The following RSF1 variants were observed in gnomAD, a reference collection of about 807,000 sequenced individuals.
RSF1 encodes remodeling and spacing factor 1, also known as HBV pX-associated protein 8.
RSF1 carries 13 observed loss-of-function variants against 145.2 expected under a neutral mutation model. That is an observed-to-expected ratio of 0.09 (90% CI 0.06 to 0.14). The LOEUF is 0.14. RSF1 is among the 10% of genes least tolerant of loss of function. RSF1 has a pLI of 1.00. For missense variants in RSF1, 1,517 were observed against 1,718.2 expected (o/e 0.88, Z 2.07); for synonymous variants, 577 against 592.6 (o/e 0.97, Z 0.38).
the RSF1 span, among the ~76,000 whole-genome samples, chr11:77,842,266 A>G: frequency 3.3e-5 from 5 of 152,178 alleles, no homozygotes; most frequent in Non-Finnish European, 7.3e-5. Flanking sequence ...CTGGAGCCTG[A>G]TAAGTAATTG....
At chr11:77,788,889 T>C (rs546255861) in intron 1 of RSF1, among the ~76,000 whole-genome samples, 179 of 152,292 alleles carry the variant, frequency 1.2e-3, no homozygotes, top group Non-Finnish European at 2.1e-3. Flanking sequence ...AAGAGATAGA[T>C]GCCAGGAAAA....
Position 77,701,963 on chromosome 11 carries a change from TTCC to T in RSF1, c.1263_1265del (p.Glu423del), listed in dbSNP as rs773530480. ...TTGTAGAGATCCTTTTACAAGTCTCTTCCTCTTGTTTTATTTCATCTTTCAAAA... is the reference window on the plus strand; with the variant it reads ...TTGTAGAGATCCTTTTACAAGTCTCTTCTTGTTTTATTTCATCTTTCAAAA... On this transcript the variant is annotated inframe_deletion, in exon 6 of 16. Coordinates refer to ENST00000308488, the MANE Select transcript of RSF1 (RefSeq NM_016578.4). 1 of 1,613,914 alleles carries T rather than the reference TTCC, an allele frequency of 6.2e-7. No homozygotes were observed. Among genetic ancestry groups the T allele is most frequent in the South Asian group, 1.1e-5 (1 of 90,984 alleles).
At chr11:77,686,613 T>G (rs910542399) in intron 9 of RSF1, among the ~76,000 whole-genome samples, 6 of 151,940 alleles carry the variant, frequency 3.9e-5, no homozygotes, top group African/African-American at 1.5e-4. Context: ...AGTGCAGCCT[T>G]TAGTGCCCTG....
intron 4 of RSF1, among the ~76,000 whole-genome samples, chr11:77,737,728 TGAAAGCA>T (rs11279282): frequency 0.66 from 98,840 of 150,122 alleles, 32,576 homozygotes; most frequent in South Asian, 0.81. Context: ...TGAGAAGAGG[TGAAAGCA>T]GAAAGCAACA....
intron 1 of RSF1, among the ~76,000 whole-genome samples, chr11:77,793,922 A>AT (rs1199022269): frequency 2.0e-5 from 3 of 152,154 alleles, no homozygotes; most frequent in Non-Finnish European, 4.4e-5. Flanking sequence ...AAAAAAGGTA[A>AT]TAAAAAAAAA....
intron 15 of RSF1, among the ~76,000 whole-genome samples, chr11:77,669,074 ACC>A (rs1959451335): frequency 6.6e-6 from 1 of 152,168 alleles, no homozygotes; most frequent in South Asian, 2.1e-4. Context: ...TGTGGTCTCT[ACC>A]AACTTAAGTT....
intron 6 of RSF1, among the ~76,000 whole-genome samples, chr11:77,699,139 C>A (rs1256064614): frequency 6.6e-6 from 1 of 152,238 alleles, no homozygotes; most frequent in Middle Eastern, 3.4e-3. Flanking sequence ...AAAGGTCATG[C>A]ACATTTTAAA....
At chr11:77,808,993 C>T (rs1416808437) in intron 1 of RSF1, among the ~76,000 whole-genome samples, 1 of 152,156 alleles carries the variant, frequency 6.6e-6, no homozygotes, top group Non-Finnish European at 1.5e-5. Context: ...TACTGTGGAT[C>T]ACACTACAAT....
intron 5 of RSF1, among the ~76,000 whole-genome samples, chr11:77,704,753 G>GTTTTTTT (rs72141127): frequency 1.0e-4 from 14 of 134,518 alleles, no homozygotes; most frequent in African/African-American, 1.4e-4. Flanking sequence ...GTTTGCCTTG[G>GTTTTTTT]TTTTTTTTTT....
Position 77,666,416 on chromosome 11 carries a change from CT to C in RSF1, c.*500del, listed in dbSNP as rs1959364641. ...TATGATGTTATCTACAATTCTCAAA[CT>C]GTAACAGTACAGACTTGAACTTTTA... is the stretch of plus-strand genomic sequence containing the variant. On this transcript the variant is annotated 3_prime_UTR_variant, in exon 16 of 16. Transcript: ENST00000308488. The C allele has an allele frequency of 6.6e-6, 1 of 152,538 alleles. No homozygotes were observed. The allele number at this position is 152,538 out of a possible 1,614,324, so 9.4% of individuals were successfully genotyped here. A position where few individuals can be genotyped will look rare whatever the true frequency, so the allele number is the denominator to read the frequency against.
chr11:77,845,792 G>A, the RSF1 span, among the ~76,000 whole-genome samples: 1 of 152,058 alleles, frequency 6.6e-6, no homozygotes, highest in Non-Finnish European at 1.5e-5. Context: ...TATTTGGTAA[G>A]ATATTGTTAT....
chr11:77,706,499 G>C (rs896076499), intron 5 of RSF1, among the ~76,000 whole-genome samples: 1 of 152,034 alleles, frequency 6.6e-6, no homozygotes, highest in Non-Finnish European at 1.5e-5. Context: ...ACAGTACTTG[G>C]GAGCTATTAT....
intron 5 of RSF1, among the ~76,000 whole-genome samples, chr11:77,710,974 A>AT (rs1257312436): frequency 6.6e-6 from 1 of 151,874 alleles, no homozygotes; most frequent in Non-Finnish European, 1.5e-5. Flanking sequence ...CATTTTTCTG[A>AT]TTTTTTTAAT....
At chr11:77,698,776 T>G (rs1346562808) in intron 6 of RSF1, 83 bp from the exon 7 acceptor site, 1 of 1,184,430 alleles carries the variant, frequency 8.4e-7, no homozygotes, top group African/African-American at 1.5e-5. Context: ...CATTGTATAA[T>G]AATATTCAGC....
rs878996155 is a variant in RSF1 at position 77,667,088 on chromosome 11, G to T, written c.4155C>A (p.Gly1385=). The T allele has an allele frequency of 6.2e-7, 1 of 1,614,184 alleles. No homozygotes were observed. Among genetic ancestry groups the T allele is most frequent in the South Asian group, 1.1e-5 (1 of 91,088 alleles). Residue 1385 remains glycine, a synonymous_variant, in exon 16 of 16, where the codon GGC becomes GGA. Coordinates refer to ENST00000308488, the MANE Select transcript of RSF1 (RefSeq NM_016578.4). ...GGGTCTGAGACTTCTCAGTAGGCTT[G>T]CCAATCAAGTTCTCAATGGCTTTGC... is the stretch of plus-strand genomic sequence containing the variant. ...SPGKAIENLI[G]KPTEKSQTPK...
intron 1 of RSF1, among the ~76,000 whole-genome samples, chr11:77,782,677 A>G (rs1313325203): frequency 6.6e-6 from 1 of 152,216 alleles, no homozygotes; most frequent in Non-Finnish European, 1.5e-5. Context: ...AAAAAATCAA[A>G]GAAAACATAA....
rs749433879 is a variant in RSF1, at chr11:77,667,501, A to T, written c.3752-10T>A. 10 of 1,599,052 alleles carry T rather than the reference A, an allele frequency of 6.3e-6. No homozygotes were observed. The highest frequency in any genetic ancestry group is 8.5e-6 in the Non-Finnish European group (10 of 1,173,742). On this transcript the variant is annotated splice_polypyrimidine_tract_variant and intron_variant, in intron 15 of 15. Transcript: ENST00000308488. ...TTGGACAAATAGCTCTCTAGAATAA[A>T]CAGCACATTTAAGCCATTGGCACGG...
intron 1 of RSF1, among the ~76,000 whole-genome samples, chr11:77,771,906 G>A (rs1026358505): frequency 6.6e-6 from 1 of 152,182 alleles, no homozygotes; most frequent in African/African-American, 2.4e-5. Context: ...GTGGTGCAGA[G>A]ATGTAGGAAA....
rs146819933 is a variant in RSF1 at position 77,680,759 on chromosome 11, A to G, written c.3066-2606T>C. Among the ~76,000 whole-genome samples, 117 of 152,354 alleles carry G rather than the reference A, an allele frequency of 7.7e-4. 1 individual carries two copies. In the East Asian group the frequency reaches 0.021, roughly 27 times the overall value. On this transcript the variant is annotated intron_variant, in intron 11 of 15. Transcript: ENST00000308488. ...TTATTTCCAATTTTTCACAATTGCA[A>G]TATTATGAGAAACATTCTTGTAGCT... is the stretch of plus-strand genomic sequence containing the variant.
Sources: allele counts gnomAD v4.1 joint callset (sites outside exome capture counted in the v4.1 genomes callset), GRCh38; gene constraint gnomAD v4.1.1; transcripts MANE v1.5; gene names NCBI Gene and HGNC (gene_info 2026-07-23, HGNC 2026-07-21).